Variants in NSF observed in about 807,000 individuals in gnomAD.
NSF encodes N-ethylmaleimide sensitive factor, vesicle fusing ATPase.
NSF carries 14 observed loss-of-function variants against 50.3 expected under a neutral mutation model. That is an observed-to-expected ratio of 0.28 (90% confidence interval 0.18 to 0.44). The LOEUF is 0.44. Among genes scored for constraint, NSF ranks in the 20% least tolerant of loss-of-function variants. The pLI is 1.00. For missense variants in NSF, 218 were observed against 504.3 expected, an observed-to-expected ratio of 0.43 and a Z score of 5.44; for synonymous variants, 109 against 175.7, an observed-to-expected ratio of 0.62 and a Z score of 3.00.
At chr17:46,736,579 AT>A (rs1392256837) in intron 17 of NSF, among the ~76,000 whole-genome samples, 2 of 152,088 alleles carry the variant, frequency 1.3e-5, no homozygotes, top group Non-Finnish European at 2.9e-5. Context: ...TACTTTATAG[AT>A]TTTCTACAAT....
At chr17:46,601,802 T>G in intron 1 of NSF, among the ~76,000 whole-genome samples, 1 of 151,308 alleles carries the variant, frequency 6.6e-6, no homozygotes, top group South Asian at 2.1e-4. Context: ...GGGCGTACTT[T>G]CATTACCTTT....
intron 1 of NSF, among the ~76,000 whole-genome samples, chr17:46,610,033 C>CTG (rs2057996581): frequency 1.1e-5 from 1 of 91,124 alleles, no homozygotes; most frequent in African/African-American, 3.7e-5. Context: ...TTCTTTCTCT[C>CTG]TCTCTCTCTC....
chr17:46,679,063 G>A (rs937444264), intron 9 of NSF, among the ~76,000 whole-genome samples: 4 of 152,068 alleles, frequency 2.6e-5, no homozygotes, highest in Admixed American at 2.0e-4. Flanking sequence ...TTTATAGAGA[G>A]CTTACCTAAA....
intron 16 of NSF, 43 bp from the exon 17 acceptor site, chr17:46,728,812 C>A: frequency 1.6e-6 from 2 of 1,278,274 alleles, no homozygotes; most frequent in Non-Finnish European, 1.1e-6. Flanking sequence ...GGAATATGTA[C>A]ATGTGTATCA....
At chr17:46,745,606 T>C (rs144329503) in intron 17 of NSF, among the ~76,000 whole-genome samples, 137 of 152,308 alleles carry the variant, frequency 9.0e-4, no homozygotes, top group Non-Finnish European at 1.7e-3. Flanking sequence ...AGTGCCACTG[T>C]TCTAGGGCCA....
chr17:46,726,526 TA>T, intron 15 of NSF, 22 bp from the exon 16 acceptor site: 1 of 1,611,222 alleles, frequency 6.2e-7, no homozygotes, highest in Non-Finnish European at 8.5e-7. Flanking sequence ...AGTGAGATAA[TA>T]AATGACTTTG....
At chr17:46,741,360 T>C (rs1318345533) in intron 17 of NSF, among the ~76,000 whole-genome samples, 2 of 152,214 alleles carry the variant, frequency 1.3e-5, no homozygotes, top group Non-Finnish European at 2.9e-5. Flanking sequence ...GTATTTTAAA[T>C]TATTAAGGGT....
intron 15 of NSF, among the ~76,000 whole-genome samples, chr17:46,718,502 A>G (rs1157714737): frequency 6.6e-6 from 1 of 152,238 alleles, no homozygotes; most frequent in Non-Finnish European, 1.5e-5. Context: ...ATAAATATGT[A>G]TAACTATTAT....
At chr17:46,736,846 G>A (rs1462705600) in intron 17 of NSF, among the ~76,000 whole-genome samples, 3 of 152,180 alleles carry the variant, frequency 2.0e-5, no homozygotes, top group Non-Finnish European at 2.9e-5. Context: ...GTAAAAGTGT[G>A]CAAGTGCCTC....
chr17:46,732,806 T>C (rs2058963214), intron 17 of NSF, among the ~76,000 whole-genome samples: 1 of 152,078 alleles, frequency 6.6e-6, no homozygotes, highest in Non-Finnish European at 1.5e-5. Context: ...CGAGAGGGGA[T>C]AGAAAAATTG....
At chr17:46,732,004 C>G (rs1370576163) in intron 17 of NSF, among the ~76,000 whole-genome samples, 1 of 152,128 alleles carries the variant, frequency 6.6e-6, no homozygotes, top group African/African-American at 2.4e-5. Flanking sequence ...AAAATGGAAG[C>G]ATTCACTTTG....
intron 4 of NSF, among the ~76,000 whole-genome samples, chr17:46,631,078 A>ACACACACACACACACACACG (rs2058131637): frequency 6.9e-6 from 1 of 144,766 alleles, no homozygotes; most frequent in African/African-American, 2.8e-5. Flanking sequence ...ACACACACAC[A>ACACACACACACACACACACG]CACACACACA....
At chr17:46,726,172 A>C (rs2058887779) in intron 15 of NSF, among the ~76,000 whole-genome samples, 1 of 152,230 alleles carries the variant, frequency 6.6e-6, no homozygotes, top group Non-Finnish European at 1.5e-5. Flanking sequence ...CTTATAGATA[A>C]TAAAATGGCA....
At chr17:46,729,744 CTG>C (rs1433737700) in intron 17 of NSF, among the ~76,000 whole-genome samples, 2 of 152,114 alleles carry the variant, frequency 1.3e-5, no homozygotes, top group Admixed American at 6.6e-5. Flanking sequence ...AGAAACTAAT[CTG>C]TAAGGAAAAT....
intron 8 of NSF, among the ~76,000 whole-genome samples, chr17:46,671,743 A>G (rs2058371908): frequency 1.0e-5 from 1 of 98,992 alleles, no homozygotes; most frequent in Non-Finnish European, 2.3e-5. Context: ...TAATTTGTGA[A>G]TTGTTTATTT....
chr17:46,746,807 A>T (rs559757430), intron 17 of NSF, among the ~76,000 whole-genome samples: 1 of 152,356 alleles, frequency 6.6e-6, no homozygotes, highest in African/African-American at 2.4e-5. Flanking sequence ...GAGATTCAAT[A>T]GCTTCATCAG....
At chr17:46,609,827 CTTTTTT>C (rs147645851) in intron 1 of NSF, among the ~76,000 whole-genome samples, 1 of 123,328 alleles carries the variant, frequency 8.1e-6, no homozygotes, top group Non-Finnish European at 1.8e-5. Flanking sequence ...CTCACTGTTT[CTTTTTT>C]TTTTTTTTTT....
intron 2 of NSF, among the ~76,000 whole-genome samples, chr17:46,625,783 C>T (rs1480486629): frequency 1.9e-5 from 2 of 106,680 alleles, no homozygotes; most frequent in Non-Finnish European, 3.4e-5. Flanking sequence ...TTAGGGCATG[C>T]CTGTAGTCCC....
chr17:46,599,931 C>T lies in NSF; in HGVS notation c.12+9144C>T, dbSNP rs1445432918. ...ATCCAATTGACTCTTCTTTGTATTG[C>T]TCCTTTTTTTTTTTTTTTTTAGTTT... On this transcript the variant is annotated intron_variant, in intron 1 of 20. Transcript: ENST00000398238. Among the ~76,000 whole-genome samples, 11 of 126,092 alleles carry T rather than the reference C, an allele frequency of 8.7e-5. 1 individual carries two copies. Among genetic ancestry groups the T allele is most frequent in the Non-Finnish European group, 1.3e-4 (8 of 62,502 alleles). The allele number at this position is 126,092 out of a possible 152,430, so 82.7% of individuals were successfully genotyped here. A position where few individuals can be genotyped will look rare whatever the true frequency, so the allele number is the denominator to read the frequency against.
Sources: gnomAD v4.1 joint callset for allele counts (sites outside exome capture counted in the v4.1 genomes callset) on GRCh38, gnomAD v4.1.1 for gene constraint, MANE v1.5 for transcripts, NCBI Gene and HGNC (gene_info 2026-07-23, HGNC 2026-07-21) for gene names.